The following MAST2 variants were observed in gnomAD, a reference collection of about 807,000 sequenced individuals.
The protein encoded by MAST2 is microtubule associated serine/threonine kinase 2, also known as microtubule-associated serine/threonine-protein kinase 2.
A neutral mutation model predicts 147.4 loss-of-function variants in MAST2; 70 were observed. That is an observed-to-expected ratio of 0.47 (90% CI 0.39 to 0.58). The LOEUF is 0.58. Ranked by LOEUF, MAST2 falls within the 20% of genes least tolerant of loss-of-function variation. The probability of loss-of-function intolerance (pLI) is 0.00; values close to 1 mark genes in which losing one functional copy is unlikely to be tolerated. For synonymous variants in MAST2, 869 were observed against 896.8 expected, an observed-to-expected ratio of 0.97 and a Z score of 0.55; for missense variants, 2,080 against 2,302.3, an observed-to-expected ratio of 0.90 and a Z score of 1.98.
chr1:46,029,986 G>A, intron 20 of MAST2, 33 bp downstream of exon 20: 2 of 1,612,954 alleles, frequency 1.2e-6, no homozygotes, highest in East Asian at 2.2e-5. Flanking sequence ...TGGAGGATGG[G>A]TCCTACCTGT....
intron 11 of MAST2, 72 bp from the exon 12 acceptor site, chr1:46,021,878 C>A: frequency 6.7e-7 from 1 of 1,486,730 alleles, no homozygotes; most frequent in Non-Finnish European, 9.3e-7. Context: ...CTACTATATG[C>A]TGTAAAACCA....
intron 4 of MAST2, among the ~76,000 whole-genome samples, chr1:45,920,974 A>AC (rs1431813049): frequency 6.6e-6 from 1 of 152,058 alleles, no homozygotes; most frequent in Non-Finnish European, 1.5e-5. Flanking sequence ...ACAGTATCTT[A>AC]CTCCAATGTC....
At chr1:45,983,964 A>G (rs1346905638) in intron 5 of MAST2, among the ~76,000 whole-genome samples, 3 of 152,234 alleles carry the variant, frequency 2.0e-5, no homozygotes, top group African/African-American at 7.2e-5. Context: ...TTGAAGATGG[A>G]CGTTTAGAAA....
intron 6 of MAST2, among the ~76,000 whole-genome samples, chr1:46,001,486 T>C (rs1645272133): frequency 6.6e-6 from 1 of 152,246 alleles, no homozygotes; most frequent in Non-Finnish European, 1.5e-5. Flanking sequence ...TTTGCTGAGC[T>C]ATTTCCTGGA....
chr1:46,012,817 A>T (rs893468795), intron 10 of MAST2, among the ~76,000 whole-genome samples: 2 of 151,956 alleles, frequency 1.3e-5, no homozygotes, highest in African/African-American at 4.8e-5. Flanking sequence ...CAACAAAGTG[A>T]GACCCCATCT....
chr1:45,970,136 C>G (rs993911706), intron 5 of MAST2, among the ~76,000 whole-genome samples: 3 of 152,218 alleles, frequency 2.0e-5, no homozygotes, highest in African/African-American at 7.2e-5. Flanking sequence ...CGTATCAAAA[C>G]AGTTCCTTTT....
intron 10 of MAST2, among the ~76,000 whole-genome samples, chr1:46,016,937 A>G (rs1645974500): frequency 6.6e-6 from 1 of 151,974 alleles, no homozygotes. Flanking sequence ...CTACAAGGCT[A>G]CAGTAACCAA....
intron 3 of MAST2, among the ~76,000 whole-genome samples, chr1:45,870,254 C>A (rs868698113): frequency 1.3e-5 from 2 of 152,122 alleles, no homozygotes; most frequent in South Asian, 4.2e-4. Flanking sequence ...TTTGACATGC[C>A]TTTCTGTATC....
intron 6 of MAST2, among the ~76,000 whole-genome samples, chr1:46,000,123 G>A (rs1645213380): frequency 6.6e-6 from 1 of 152,160 alleles, no homozygotes. Flanking sequence ...AGACCAGCCT[G>A]GCCAACATGG....
At chr1:45,866,723 T>A (rs1467736812) in intron 3 of MAST2, among the ~76,000 whole-genome samples, 1 of 148,130 alleles carries the variant, frequency 6.8e-6, no homozygotes, top group Non-Finnish European at 1.5e-5. Flanking sequence ...TTATAAAAAA[T>A]TTTTCCCCTA....
chr1:46,017,234 C>G (rs1314573587), intron 10 of MAST2, among the ~76,000 whole-genome samples: 2 of 152,094 alleles, frequency 1.3e-5, no homozygotes, highest in East Asian at 1.9e-4. Context: ...AGAAGAAAAC[C>G]TAGGCATTAC....
chr1:46,025,537 G>C (rs1646372093), intron 15 of MAST2, 140 bp from the exon 16 acceptor site: 2 of 979,808 alleles, frequency 2.0e-6, no homozygotes, highest in African/African-American at 1.6e-5. Flanking sequence ...CAGCAGCAAA[G>C]GGGCTAGAAT....
intron 4 of MAST2, among the ~76,000 whole-genome samples, chr1:45,919,266 A>T (rs1473759688): frequency 6.6e-6 from 1 of 152,196 alleles, no homozygotes; most frequent in Non-Finnish European, 1.5e-5. Context: ...GAGGAGGAAG[A>T]GATATCCAAG....
At chr1:45,998,975 A>C (rs1571143241) in intron 6 of MAST2, among the ~76,000 whole-genome samples, 1 of 151,772 alleles carries the variant, frequency 6.6e-6, no homozygotes, top group South Asian at 2.1e-4. Context: ...CTCGTGATCC[A>C]CCCGCCTCGG....
At chr1:45,806,305 T>C (rs374296484) in intron 1 of MAST2, among the ~76,000 whole-genome samples, 1 of 152,268 alleles carries the variant, frequency 6.6e-6, no homozygotes, top group South Asian at 2.1e-4. Flanking sequence ...ATTCGGATCA[T>C]GTCTTGAGAC....
chr1:45,847,698 G>A (rs1451651597), intron 3 of MAST2: 5 of 293,490 alleles, frequency 1.7e-5, no homozygotes, highest in South Asian at 5.0e-5. Context: ...AGGAGTACCC[G>A]TGCCAAATCC....
rs1187743849 is a variant in MAST2 at position 45,803,940 on chromosome 1, C to G, written c.45C>G (p.Pro15=). ...GCGACCGACCGCAGCCGCCGCCGCCCGACCGCCGGGAGGATGGAGTTCAGC... is the reference window on the plus strand; with the variant it reads ...GCGACCGACCGCAGCCGCCGCCGCCGGACCGCCGGGAGGATGGAGTTCAGC... ...RCRDRPQPPP[P]DRREDGVQRA... Residue 15 remains proline (P), a synonymous_variant, in exon 1 of 29, where the codon CCC becomes CCG. Coordinates refer to ENST00000361297, the MANE Select transcript of MAST2 (RefSeq NM_015112.3). 4.4e-6 allele frequency: 4 copies of G among 911,650 alleles called. No homozygotes were observed. The highest frequency in any genetic ancestry group is 3.0e-6 in the Non-Finnish European group (2 of 667,136). The allele number at this position is 911,650 out of a possible 1,614,324, so 56.5% of individuals were successfully genotyped here. A position where few individuals can be genotyped will look rare whatever the true frequency, so the allele number is the denominator to read the frequency against.
intron 1 of MAST2, among the ~76,000 whole-genome samples, chr1:45,818,883 A>C (rs1487159951): frequency 6.6e-6 from 1 of 152,240 alleles, no homozygotes; most frequent in Non-Finnish European, 1.5e-5. Context: ...CATAAACAGC[A>C]AGTAAATAAG....
intron 6 of MAST2, among the ~76,000 whole-genome samples, chr1:46,001,266 A>G (rs1004846747): frequency 2.1e-4 from 32 of 152,234 alleles, no homozygotes; most frequent in Non-Finnish European, 8.8e-5. Context: ...TTGCACAGTC[A>G]GATGACTGCA....
Sources: gnomAD v4.1 joint callset for allele counts (sites outside exome capture counted in the v4.1 genomes callset) on GRCh38, gnomAD v4.1.1 for gene constraint, MANE v1.5 for transcripts, NCBI Gene and HGNC (gene_info 2026-07-23, HGNC 2026-07-21) for gene names.